GPR153: variants seen among roughly 807,000 people sequenced by gnomAD.
The protein encoded by GPR153 is probable G protein-coupled receptor 153.
A neutral mutation model predicts 34.1 loss-of-function variants in GPR153; 27 were observed. That is an observed-to-expected ratio of 0.79 (90% CI 0.58 to 1.09). GPR153 has a LOEUF of 1.09. Ranked by LOEUF, GPR153 falls within the 50% of genes least tolerant of loss-of-function variation. The pLI is 0.00. For synonymous variants in GPR153, 408 were observed against 405.4 expected (o/e 1.01, Z -0.08); for missense variants, 848 against 860.2 (o/e 0.99, Z 0.18).
intron 1 of GPR153, among the ~76,000 whole-genome samples, chr1:6,258,298 T>C (rs1638605300): frequency 6.6e-6 from 1 of 152,152 alleles, no homozygotes; most frequent in Admixed American, 6.5e-5. Flanking sequence ...CAGCTATTTT[T>C]TTGTATTTTT....
intron 1 of GPR153, 22 bp downstream of exon 1, chr1:6,260,803 G>A (rs565150020): frequency 6.6e-6 from 1 of 150,496 alleles, no homozygotes; most frequent in Non-Finnish European, 1.5e-5. Flanking sequence ...GTCCGCCCTC[G>A]GGCCAGGGCG....
At position 6,254,686 on chromosome 1, in the gene GPR153, G is replaced by C; in HGVS notation, c.220C>G (p.Pro74Ala). ...YSVVQLRRQR[P>A]DFEWNEGLCK... The stretch of plus-strand genomic sequence containing the variant: ...AGACCCTCATTCCACTCGAAGTCGG[G>C]GCGCTGCCGCCGCAGCTGCACCACG... Residue 74 changes from proline to alanine, a missense_variant, in exon 2 of 6, where the codon CCC (proline) becomes GCC (alanine). Coordinates refer to ENST00000377893, the MANE Select transcript of GPR153 (RefSeq NM_207370.4). 1 of 1,613,626 alleles carries C rather than the reference G, an allele frequency of 6.2e-7. No individual in the cohort carries two copies. The highest frequency in any genetic ancestry group is 8.5e-7 in the Non-Finnish European group (1 of 1,179,838).
At position 6,254,723 on chromosome 1, in the gene GPR153, G is replaced by A. The variant is rs374113239; in HGVS notation, c.183C>T (p.Ile61=). 8.6e-5 allele frequency: 138 copies of A among 1,613,664 alleles called. No individual in the cohort carries two copies. The highest frequency in any genetic ancestry group is 1.1e-4 in the Non-Finnish European group (132 of 1,179,916). ...GCAGCTGCACCACGGAGTAGGTGGC[G>A]ATGGGCACGGCCACATTTAGCATGT... is the stretch of plus-strand genomic sequence containing the variant. ...ATHMLNVAVP[I]ATYSVVQLRR... The change falls in exon 2 of 6, where the codon ATC becomes ATT. Residue 61 remains isoleucine, a synonymous_variant. Transcript: ENST00000377893.
In GPR153 at chr1:6,256,579, AG is replaced by A. The variant is rs1430324992; in HGVS notation, c.-109-1566del. Among the ~76,000 whole-genome samples, 2 of 152,180 alleles carry A rather than the reference AG, an allele frequency of 1.3e-5. 1 individual carries two copies. Among genetic ancestry groups the A allele is most frequent in the South Asian group, 4.2e-4 (2 of 4,812 alleles). On this transcript the variant is annotated intron_variant, in intron 1 of 5. Transcript: ENST00000377893. ...GTAACAGGGTTTAACCATGTTGGCC[AG>A]GCTGGTCCTAAACTCCTGACCTCAA...
chr1:6,255,968 A>G (rs1418651791), intron 1 of GPR153, among the ~76,000 whole-genome samples: 1 of 151,842 alleles, frequency 6.6e-6, no homozygotes, highest in Non-Finnish European at 1.5e-5. Context: ...GCTAATTTTA[A>G]TTTTATTATA....
Position 6,251,100 on chromosome 1 carries a change from ACCAGAACATCC to A in GPR153, c.979+227_979+237del, listed in dbSNP as rs1456617891. Reference sequence around the variant, plus strand: ...GACATGTCTACCCTGCTCTCTGTTAACCAGAACATCCCATTACTTGGAACCTGGGGCAGCCA... The same window carrying A: ...GACATGTCTACCCTGCTCTCTGTTAACATTACTTGGAACCTGGGGCAGCCA... On this transcript the variant is annotated intron_variant, in intron 4 of 5. Coordinates refer to ENST00000377893, the MANE Select transcript of GPR153 (RefSeq NM_207370.4). This position sits in a 1 kb window ranked among gnomAD's most constrained non-coding sequence, Gnocchi z 4.9. Among the ~76,000 whole-genome samples, 1 of 152,104 alleles carries A rather than the reference ACCAGAACATCC, an allele frequency of 6.6e-6. No individual in the cohort carries two copies. The highest frequency in any genetic ancestry group is 1.9e-4 in the East Asian group (1 of 5,186).
At position 6,249,230 on chromosome 1, in the gene GPR153, G is replaced by A; in HGVS notation, c.*108C>T. The A allele has an allele frequency of 3.7e-6, 3 of 801,032 alleles. No individual in the cohort carries two copies. The highest frequency in any genetic ancestry group is 1.8e-5 in the African/African-American group (1 of 55,878). The allele number at this position is 801,032 out of a possible 1,614,324, so 49.6% of individuals were successfully genotyped here. A position where few individuals can be genotyped will look rare whatever the true frequency, so the allele number is the denominator to read the frequency against. On this transcript the variant is annotated 3_prime_UTR_variant, in exon 6 of 6. Transcript: ENST00000377893. The surrounding 1 kb of genome is among the most constrained non-coding windows in gnomAD (Gnocchi z 4.3). ...TGAGGCCAACGCCCCCTCACCCCTG[G>A]GAGGGGTGGCGCATGTCTGCGCGCG... is the stretch of plus-strand genomic sequence containing the variant.
In GPR153 at chr1:6,249,322, G is replaced by A. The variant is rs1309761470; in HGVS notation, c.*16C>T. On this transcript the variant is annotated 3_prime_UTR_variant, in exon 6 of 6. Transcript: ENST00000377893. The surrounding 1 kb of genome is among the most constrained non-coding windows in gnomAD (Gnocchi z 4.3). ...GGCCTGGCCTGCCTGGCGTCCGTGGGGAGGCGCCGGCGGTCCTAGGACGCG... is the reference window on the plus strand; with the variant it reads ...GGCCTGGCCTGCCTGGCGTCCGTGGAGAGGCGCCGGCGGTCCTAGGACGCG... 3 of 1,266,206 alleles carry A rather than the reference G, an allele frequency of 2.4e-6. No homozygotes were observed. Among genetic ancestry groups the A allele is most frequent in the Non-Finnish European group, 3.0e-6 (3 of 1,006,784 alleles). The allele number at this position is 1,266,206 out of a possible 1,614,324, so 78.4% of individuals were successfully genotyped here.
At chr1:6,255,103 C>T (rs925481761) in intron 1 of GPR153, 89 bp from the exon 2 acceptor site, 11 of 460,956 alleles carry the variant, frequency 2.4e-5, no homozygotes, top group Non-Finnish European at 4.2e-5. Context: ...AGATGGCGAG[C>T]GCTACACTTT....
chr1:6,255,653 T>G lies in GPR153; in HGVS notation c.-109-639A>C, dbSNP rs1364833128. 3.1e-3 allele frequency among the ~76,000 whole-genome samples: 375 copies of G among 121,358 alleles called. 5 individuals carry two copies. Among genetic ancestry groups the G allele is most frequent in the African/African-American group, 0.012 (292 of 24,450 alleles). The allele number at this position is 121,358 out of a possible 152,430, so 79.6% of individuals were successfully genotyped here. ...CTATGCCTGGCTACGTTTTTTTTTT[T>G]TTTTTTTTTTTTTTTTTGAGATAGA... On this transcript the variant is annotated intron_variant, in intron 1 of 5. Coordinates refer to ENST00000377893, the MANE Select transcript of GPR153 (RefSeq NM_207370.4).
Position 6,254,836 on chromosome 1 carries a change from C to G in GPR153, c.70G>C (p.Ala24Pro). ...ACGCTGAGGATGCCCCAGGCATTGGCCAGCAGGGAGAGGCCCCCACATACC... is the reference window on the plus strand; with the variant it reads ...ACGCTGAGGATGCCCCAGGCATTGGGCAGCAGGGAGAGGCCCCCACATACC... ...WLVCGGLSLL[A>P]NAWGILSVGA... Residue 24 changes from alanine to proline, a missense_variant, in exon 2 of 6, where the codon GCC becomes CCC. Coordinates refer to ENST00000377893, the MANE Select transcript of GPR153 (RefSeq NM_207370.4). 4 of 1,609,282 alleles carry G rather than the reference C, an allele frequency of 2.5e-6. No homozygotes were observed. The highest frequency in any genetic ancestry group is 3.4e-6 in the Non-Finnish European group (4 of 1,177,992).
rs143579354 is a variant in GPR153, at chr1:6,254,732, G to A, written c.174C>T (p.Ala58=). The part of the protein sequence containing the change: ...TLAATHMLNV[A]VPIATYSVVQ... ...CCACGGAGTAGGTGGCGATGGGCAC[G>A]GCCACATTTAGCATGTGGGTGGCCG... Residue 58 remains alanine, a synonymous_variant, in exon 2 of 6, where the codon GCC becomes GCT. Coordinates refer to ENST00000377893, the MANE Select transcript of GPR153 (RefSeq NM_207370.4). 6.2e-6 allele frequency: 10 copies of A among 1,613,510 alleles called. No homozygotes were observed. The highest frequency in any genetic ancestry group is 5.3e-5 in the African/African-American group (4 of 74,878).
Position 6,254,393 on chromosome 1 carries a change from A to G in GPR153, c.356+157T>C, listed in dbSNP as rs116711313. On this transcript the variant is annotated intron_variant, in intron 2 of 5. Transcript: ENST00000377893. ...TGTCTACCCATGCAAAGCTACGTGT[A>G]TGCCCCCAGCAGCTTACAGCAGCCC... Among the ~76,000 whole-genome samples, 1,409 of 152,284 alleles carry G rather than the reference A, an allele frequency of 9.3e-3. 20 individuals are homozygous for G. Among genetic ancestry groups the G allele is most frequent in the African/African-American group, 0.031 (1,307 of 41,548 alleles).
intron 4 of GPR153, 84 bp from the exon 5 acceptor site, chr1:6,250,708 CCCT>C (rs972078369): frequency 1.4e-6 from 1 of 702,334 alleles, no homozygotes; most frequent in African/African-American, 1.8e-5. Flanking sequence ...CCAGGGATCC[CCCT>C]GAGATCCCCC....
At chr1:6,253,598 A>C in intron 3 of GPR153, 120 bp downstream of exon 3, 1 of 909,380 alleles carries the variant, frequency 1.1e-6, no homozygotes, top group Non-Finnish European at 1.6e-6. Context: ...GAAAATGGGG[A>C]CGATGATCAA....
chr1:6,249,478 C>G lies in GPR153; in HGVS notation c.1690G>C (p.Gly564Arg). The G allele has an allele frequency of 3.1e-6, 4 of 1,299,036 alleles. No homozygotes were observed. The highest frequency in any genetic ancestry group is 6.3e-5 in the East Asian group (2 of 31,516). The allele number at this position is 1,299,036 out of a possible 1,614,324, so 80.5% of individuals were successfully genotyped here. A position where few individuals can be genotyped will look rare whatever the true frequency, so the allele number is the denominator to read the frequency against. Residue 564 changes from glycine to arginine, a missense_variant, in exon 6 of 6, where the codon GGC becomes CGC. Physicochemically the swap from Gly to Arg is moderately radical, Grantham distance 125. Transcript: ENST00000377893. This position sits in a 1 kb window ranked among gnomAD's most constrained non-coding sequence, Gnocchi z 4.3. The part of the protein sequence containing the change: ...AHSHAGSLRP[G>R]LSASWGEPGG... ...GGCTCGCCCCACGACGCGCTCAGGC[C>G]GGGGCGCAGAGAGCCGGCGTGCGAG... is the stretch of plus-strand genomic sequence containing the variant.
chr1:6,254,458 G>C, intron 2 of GPR153, 92 bp downstream of exon 2: 1 of 1,172,006 alleles, frequency 8.5e-7, no homozygotes, highest in Non-Finnish European at 1.2e-6. Context: ...CCACAGGTGT[G>C]GCCACTCCTG....
intron 1 of GPR153, among the ~76,000 whole-genome samples, chr1:6,255,844 G>A (rs1026761272): frequency 1.3e-5 from 2 of 151,676 alleles, no homozygotes; most frequent in African/African-American, 4.8e-5. Context: ...AGTAGAGATG[G>A]GGTTTCACCA....
At chr1:6,257,519 C>A (rs1034453442) in intron 1 of GPR153, among the ~76,000 whole-genome samples, 1 of 152,256 alleles carries the variant, frequency 6.6e-6, no homozygotes, top group Non-Finnish European at 1.5e-5. Flanking sequence ...TGCCATGCTT[C>A]TTCCGCGGGG....
Sources: gnomAD v4.1 joint callset for allele counts (sites outside exome capture counted in the v4.1 genomes callset) on GRCh38, gnomAD v4.1.1 for gene constraint, Gnocchi (gnomAD v3.1) non-coding constraint, MANE v1.5 for transcripts, NCBI Gene and HGNC (gene_info 2026-07-23, HGNC 2026-07-21) for gene names.